The following TBC1D32 variants were observed in gnomAD, a reference collection of about 807,000 sequenced individuals.
TBC1D32 encodes TBC1 domain family member 32, also known as protein broad-minded.
Under a neutral mutation model 170.3 loss-of-function variants are expected in TBC1D32, and 151 were observed. That is an observed-to-expected ratio of 0.89 (90% confidence interval 0.78 to 1.01). The LOEUF is 1.01. TBC1D32 is among the 50% of genes least tolerant of loss of function. TBC1D32 has a pLI of 0.00. For synonymous variants in TBC1D32, 498 were observed against 488.0 expected, an observed-to-expected ratio of 1.02 and a Z score of -0.27; for missense variants, 1,464 against 1,457.1, an observed-to-expected ratio of 1.00 and a Z score of -0.08.
At chr6:121,217,209 C>T (rs963505453) in intron 21 of TBC1D32, among the ~76,000 whole-genome samples, 9 of 152,224 alleles carry the variant, frequency 5.9e-5, no homozygotes, top group African/African-American at 2.2e-4. Context: ...AACACATCTC[C>T]TGGTATGCAG....
intron 20 of TBC1D32, among the ~76,000 whole-genome samples, chr6:121,225,822 T>C (rs1008606244): frequency 6.6e-6 from 1 of 152,140 alleles, no homozygotes; most frequent in African/African-American, 2.4e-5. Flanking sequence ...AATTGTGATG[T>C]ATTATGCATT....
intron 21 of TBC1D32, among the ~76,000 whole-genome samples, chr6:121,221,480 G>C (rs781341270): frequency 6.6e-6 from 1 of 152,194 alleles, no homozygotes; most frequent in Non-Finnish European, 1.5e-5. Flanking sequence ...TGATTCCTCT[G>C]ACAGATCTGG....
At chr6:121,113,222 T>A (rs542669275) in intron 27 of TBC1D32, 45 bp from the exon 28 acceptor site, 2 of 1,315,180 alleles carry the variant, frequency 1.5e-6, no homozygotes, top group South Asian at 2.6e-5. Context: ...AGGTCTTGCA[T>A]TGAATGTTTT....
chr6:121,124,957 T>C (rs1250973994), intron 26 of TBC1D32, among the ~76,000 whole-genome samples: 1 of 152,226 alleles, frequency 6.6e-6, no homozygotes, highest in East Asian at 1.9e-4. Context: ...TTGAAGTATG[T>C]TGAACTTCCT....
At chr6:121,192,066 TTA>T (rs1554263739) in intron 22 of TBC1D32, among the ~76,000 whole-genome samples, 2 of 122,438 alleles carry the variant, frequency 1.6e-5, no homozygotes, top group Admixed American at 9.7e-5. Context: ...AAACTACCCT[TTA>T]TATATATATA....
chr6:121,332,933 T>G (rs1811395663), intron 1 of TBC1D32, among the ~76,000 whole-genome samples: 1 of 152,132 alleles, frequency 6.6e-6, no homozygotes, highest in South Asian at 2.1e-4. Context: ...CCAAAGAAAT[T>G]AGAAACTCCA....
At chr6:121,155,379 T>G (rs1784752330) in intron 24 of TBC1D32, among the ~76,000 whole-genome samples, 1 of 152,158 alleles carries the variant, frequency 6.6e-6, no homozygotes, top group Non-Finnish European at 1.5e-5. Flanking sequence ...AAATCATTTA[T>G]CATTCCTAGG....
chr6:121,333,341 A>G (rs1400599152), intron 1 of TBC1D32, among the ~76,000 whole-genome samples: 2 of 152,186 alleles, frequency 1.3e-5, no homozygotes, highest in East Asian at 1.9e-4. Context: ...GATCTTCAAG[A>G]TCTACCTCAA....
intron 29 of TBC1D32, among the ~76,000 whole-genome samples, chr6:121,111,074 A>T (rs1779159366): frequency 6.6e-6 from 1 of 152,100 alleles, no homozygotes; most frequent in African/African-American, 2.4e-5. Context: ...GTAATGTGTC[A>T]CTCCCTTCCA....
At position 121,279,172 on chromosome 6, in the gene TBC1D32, T is replaced by G; in HGVS notation, c.1682A>C (p.Glu561Ala). Residue 561 changes from glutamate to alanine, a missense_variant, in exon 15 of 32, where the codon GAA becomes GCA. Around this residue, in one of 3 missense-constraint regions of TBC1D32, gnomAD observed 1,363 missense variants for 1,338.1 expected, o/e 1.02. Transcript: ENST00000398212. Reference sequence around the variant, plus strand: ...TCCATAAAGGAGTAAAATAAGCCCTTCTTCTACAGATGCAATTCTTGCCAA... The same window carrying G: ...TCCATAAAGGAGTAAAATAAGCCCTGCTTCTACAGATGCAATTCTTGCCAA... Reference protein sequence around the residue: ...GILARIASVEEGLILLLYGAN... With the variant: ...GILARIASVEAGLILLLYGAN... 1 of 1,611,738 alleles carries G rather than the reference T, an allele frequency of 6.2e-7. No homozygotes were observed. Among genetic ancestry groups the G allele is most frequent in the Admixed American group, 1.7e-5 (1 of 59,522 alleles).
chr6:121,160,194 G>T lies in TBC1D32; in HGVS notation c.2680-91C>A, dbSNP rs181167106. 48 of 827,890 alleles carry T rather than the reference G, an allele frequency of 5.8e-5. No individual in the cohort carries two copies. In the East Asian group the frequency reaches 1.1e-3, roughly 20 times the overall value. 51.3% of individuals were successfully genotyped at this position (827,890 alleles called of 1,614,324 possible). A position where few individuals can be genotyped will look rare whatever the true frequency, so the allele number is the denominator to read the frequency against. ...TCTGAAATATTGTTAACTTAAACTG[G>T]CTTTTCTTGCTCATAAATTCTGCAG... On this transcript the variant is annotated intron_variant, in intron 23 of 31. Transcript: ENST00000398212.
At chr6:121,133,125 A>G (rs982816958) in intron 24 of TBC1D32, among the ~76,000 whole-genome samples, 1 of 151,910 alleles carries the variant, frequency 6.6e-6, no homozygotes, top group Non-Finnish European at 1.5e-5. Flanking sequence ...ACACTACAAA[A>G]TCATCTACCT....
chr6:121,283,947 C>T, intron 12 of TBC1D32, 37 bp from the exon 13 acceptor site: 3 of 1,412,696 alleles, frequency 2.1e-6, no homozygotes, highest in Non-Finnish European at 3.0e-6. Context: ...TAATTTCTAG[C>T]ATATTCTTTC....
At chr6:121,247,695 C>CA (rs34914027) in intron 17 of TBC1D32, among the ~76,000 whole-genome samples, 4,379 of 46,560 alleles carry the variant, frequency 0.094, 418 homozygotes, top group Admixed American at 0.19. Context: ...GGCTTTAAAG[C>CA]AAAAAAAAAA....
chr6:121,107,289 G>A (rs573913954), intron 29 of TBC1D32, among the ~76,000 whole-genome samples: 18 of 151,910 alleles, frequency 1.2e-4, no homozygotes, highest in Middle Eastern at 3.4e-3. Context: ...ATACACTAAA[G>A]TTTCTGAAAT....
chr6:121,196,590 T>C (rs1299795243), intron 22 of TBC1D32, among the ~76,000 whole-genome samples: 1 of 152,210 alleles, frequency 6.6e-6, no homozygotes, highest in African/African-American at 2.4e-5. Context: ...CACACAGCAT[T>C]GCCTCTGACC....
chr6:121,282,991 C>A (rs1207239386), intron 13 of TBC1D32, among the ~76,000 whole-genome samples: 1 of 151,714 alleles, frequency 6.6e-6, no homozygotes, highest in Non-Finnish European at 1.5e-5. Flanking sequence ...TCAGAAGGTA[C>A]ATGTGTCAGC....
At chr6:121,157,422 G>T (rs1374848412) in intron 24 of TBC1D32, among the ~76,000 whole-genome samples, 1 of 152,094 alleles carries the variant, frequency 6.6e-6, no homozygotes, top group African/African-American at 2.4e-5. Flanking sequence ...GTCTCTTGAA[G>T]ACAGCAGACA....
chr6:121,255,359 C>T lies in TBC1D32; in HGVS notation c.1987G>A (p.Val663Ile), dbSNP rs1798821770. ...TGGGATTCCTGGCTTACTGAAGAAACAGAATCAGAACCCTCTACTGGAGTA... is the reference window on the plus strand; with the variant it reads ...TGGGATTCCTGGCTTACTGAAGAAATAGAATCAGAACCCTCTACTGGAGTA... ...IPTPVEGSDS[V>I]SSVSQESQNI... Residue 663 changes from valine (V) to isoleucine (I), a missense_variant, in exon 17 of 32, where the codon GTT becomes ATT. By Grantham distance (29) the Val-to-Ile change is conservative (BLOSUM62 3). Transcript: ENST00000398212. The T allele has an allele frequency of 2.6e-6, 4 of 1,560,342 alleles. No homozygotes were observed. Among genetic ancestry groups the T allele is most frequent in the Non-Finnish European group, 3.5e-6 (4 of 1,154,866 alleles).
Sources: allele counts gnomAD v4.1 joint callset (sites outside exome capture counted in the v4.1 genomes callset), GRCh38; gene constraint gnomAD v4.1.1; regional missense constraint gnomAD v4.1.1; transcripts MANE v1.5; gene names NCBI Gene and HGNC (gene_info 2026-07-23, HGNC 2026-07-21).